DYM: variants seen among roughly 807,000 people sequenced by gnomAD.
DYM encodes the protein dymeclin, also known as dyggve-Melchior-Clausen syndrome protein.
Under a neutral mutation model 93.1 loss-of-function variants are expected in DYM, and 78 were observed. The observed-to-expected ratio is 0.84, with a 90% CI of 0.70 to 1.01. The LOEUF is 1.01. DYM is among the 50% of genes least tolerant of loss of function. DYM has a pLI of 0.00. For missense variants in DYM, 789 were observed against 845.0 expected (o/e 0.93, Z 0.82); for synonymous variants, 321 against 319.7 (o/e 1.00, Z -0.04).
chr18:49,241,457 A>G (rs1287067163), intron 13 of DYM, among the ~76,000 whole-genome samples: 1 of 152,212 alleles, frequency 6.6e-6, no homozygotes, highest in Non-Finnish European at 1.5e-5. Flanking sequence ...ATAATTAAAT[A>G]AGACAGCATC....
chr18:49,045,611 G>A (rs1212012944), intron 17 of DYM, among the ~76,000 whole-genome samples: 1 of 152,220 alleles, frequency 6.6e-6, no homozygotes, highest in Non-Finnish European at 1.5e-5. Flanking sequence ...CTCATGGAAG[G>A]TAAATCTTCA....
intron 6 of DYM, among the ~76,000 whole-genome samples, chr18:49,348,420 C>T (rs2064797965): frequency 6.6e-6 from 1 of 152,088 alleles, no homozygotes; most frequent in Admixed American, 6.5e-5. Context: ...CATGGTAATA[C>T]TCCTCATTTA....
At chr18:49,063,619 C>CTTTTT (rs67482709) in intron 17 of DYM, among the ~76,000 whole-genome samples, 2 of 71,960 alleles carry the variant, frequency 2.8e-5, no homozygotes, top group African/African-American at 4.9e-5. Flanking sequence ...CTTTCTCTCT[C>CTTTTT]TTTTTTTTTT....
chr18:49,273,278 C>G (rs573839249), intron 10 of DYM, among the ~76,000 whole-genome samples: 1 of 152,160 alleles, frequency 6.6e-6, no homozygotes, highest in Non-Finnish European at 1.5e-5. Flanking sequence ...CTTCCAGGAA[C>G]GAAGTATACC....
intron 16 of DYM, among the ~76,000 whole-genome samples, chr18:49,110,681 A>C (rs557165252): frequency 9.2e-5 from 14 of 152,054 alleles, no homozygotes; most frequent in African/African-American, 3.1e-4. Flanking sequence ...AATGTCTTTT[A>C]AAAAAATGGA....
intron 1 of DYM, among the ~76,000 whole-genome samples, chr18:49,439,417 C>T (rs959891751): frequency 1.3e-5 from 2 of 152,156 alleles, no homozygotes; most frequent in African/African-American, 4.8e-5. Context: ...CCTAAAGCTG[C>T]AATTACGTAA....
At chr18:49,410,727 G>A (rs2148189016) in intron 2 of DYM, among the ~76,000 whole-genome samples, 1 of 151,820 alleles carries the variant, frequency 6.6e-6, no homozygotes, top group Admixed American at 6.6e-5. Context: ...GGTGGAGGCT[G>A]CAATGAGCTG....
intron 1 of DYM, among the ~76,000 whole-genome samples, chr18:49,441,221 A>T (rs1465105173): frequency 1.1e-4 from 3 of 26,938 alleles, no homozygotes; most frequent in East Asian, 1.8e-3. Context: ...TATTATATAT[A>T]ATTATATTAT....
chr18:49,039,324 G>A lies in DYM; in HGVS notation c.*4731C>T, dbSNP rs919359004. ...TATATTCCCTCTCCCACCCCAGCAG[G>A]TCTAAAATATTATTTTTCTTTGGTC... On this transcript the variant is annotated 3_prime_UTR_variant, in exon 18 of 18. Coordinates refer to ENST00000675505, the MANE Select transcript of DYM (RefSeq NM_001353214.3). Among the ~76,000 whole-genome samples the A allele has an allele frequency of 1.3e-5, 2 of 151,810 alleles. No homozygotes were observed. The highest frequency in any genetic ancestry group is 6.6e-5 in the Admixed American group (1 of 15,242).
chr18:49,145,416 T>G (rs533570817), intron 15 of DYM, among the ~76,000 whole-genome samples: 13 of 152,224 alleles, frequency 8.5e-5, no homozygotes, highest in African/African-American at 2.9e-4. Flanking sequence ...CACTGCTCCT[T>G]TAAACTTTTG....
At chr18:49,278,873 T>C (rs988821239) in intron 10 of DYM, among the ~76,000 whole-genome samples, 1 of 152,250 alleles carries the variant, frequency 6.6e-6, no homozygotes, top group Non-Finnish European at 1.5e-5. Flanking sequence ...TTTTCTCTTA[T>C]GCTAGGCATA....
chr18:49,407,789 G>T (rs895374233), intron 2 of DYM, among the ~76,000 whole-genome samples: 11 of 152,100 alleles, frequency 7.2e-5, no homozygotes, highest in Non-Finnish European at 2.9e-5. Context: ...TAAGCTCTGG[G>T]GATTGTACCA....
intron 14 of DYM, among the ~76,000 whole-genome samples, chr18:49,195,196 T>C (rs1406733881): frequency 6.6e-6 from 1 of 152,218 alleles, no homozygotes; most frequent in African/African-American, 2.4e-5. Context: ...CCTAACAAGA[T>C]GTAATTGTTA....
chr18:49,434,193 A>G (rs1398914638), intron 1 of DYM, among the ~76,000 whole-genome samples: 1 of 152,060 alleles, frequency 6.6e-6, no homozygotes, highest in East Asian at 1.9e-4. Context: ...AAATACAAAA[A>G]AAAATTAGCC....
intron 14 of DYM, among the ~76,000 whole-genome samples, chr18:49,204,508 C>T (rs1236842658): frequency 6.6e-6 from 1 of 152,188 alleles, no homozygotes; most frequent in Non-Finnish European, 1.5e-5. Flanking sequence ...TAGGTACTTT[C>T]TTACTTCACA....
chr18:49,294,349 G>A (rs1484082129), intron 8 of DYM, among the ~76,000 whole-genome samples: 1 of 152,134 alleles, frequency 6.6e-6, no homozygotes, highest in Non-Finnish European at 1.5e-5. Context: ...CTAATTCTGT[G>A]AAGAAAGTCA....
At chr18:49,324,136 C>T (rs1419673364) in intron 8 of DYM, among the ~76,000 whole-genome samples, 2 of 9,604 alleles carry the variant, frequency 2.1e-4, no homozygotes, top group Non-Finnish European at 4.6e-4. Flanking sequence ...TAGGCTCTGT[C>T]TCAAAAAAAA....
intron 2 of DYM, among the ~76,000 whole-genome samples, chr18:49,402,322 C>A (rs1459552390): frequency 6.6e-6 from 1 of 152,094 alleles, no homozygotes; most frequent in Non-Finnish European, 1.5e-5. Flanking sequence ...AAATAAAACA[C>A]AAACATTAAC....
chr18:49,099,346 C>G lies in DYM; in HGVS notation c.1912-1831G>C, dbSNP rs2079889034. ...AGTAGCTGAGAAGCCTTGTGAAATT[C>G]TGATCCCAGGGCCTAGTCAGGGACC... On this transcript the variant is annotated intron_variant, in intron 16 of 17. Transcript: ENST00000675505. Among the ~76,000 whole-genome samples the G allele has an allele frequency of 3.3e-5, 5 of 152,094 alleles. No individual in the cohort carries two copies. In the South Asian group the frequency reaches 1.0e-3, roughly 31 times the overall value.
Sources: gnomAD v4.1 joint callset for allele counts (sites outside exome capture counted in the v4.1 genomes callset) on GRCh38, gnomAD v4.1.1 for gene constraint, MANE v1.5 for transcripts, NCBI Gene and HGNC (gene_info 2026-07-23, HGNC 2026-07-21) for gene names.